PALM2AKAP2: variants seen among roughly 807,000 people sequenced by gnomAD.
The protein encoded by PALM2AKAP2 is PALM2-AKAP2 fusion protein.
A neutral mutation model predicts 71.5 loss-of-function variants in PALM2AKAP2; 37 were observed. The observed-to-expected ratio is 0.52, with a 90% confidence interval of 0.40 to 0.68. The LOEUF is 0.68. PALM2AKAP2 is among the 30% of genes least tolerant of loss of function. PALM2AKAP2 has a pLI of 0.00. For synonymous variants in PALM2AKAP2, 468 were observed against 478.8 expected (o/e 0.98, Z 0.29); for missense variants, 1,224 against 1,191.8 (o/e 1.03, Z -0.40).
At chr9:110,161,785 A>G (rs1836605466) in intron 3 of PALM2AKAP2, among the ~76,000 whole-genome samples, 2 of 152,136 alleles carry the variant, frequency 1.3e-5, no homozygotes, top group Non-Finnish European at 2.9e-5. Context: ...TGGGCAGCTG[A>G]TTGTGTACAG....
chr9:110,084,860 C>T (rs185428408), intron 1 of PALM2AKAP2, among the ~76,000 whole-genome samples: 20 of 152,138 alleles, frequency 1.3e-4, no homozygotes, highest in South Asian at 6.2e-4. Flanking sequence ...CTCAACCTCC[C>T]GAGTAGCTGG....
chr9:109,975,059 T>TACAC (rs1832146321), intron 6 of PALM2AKAP2, among the ~76,000 whole-genome samples: 1 of 144,408 alleles, frequency 6.9e-6, no homozygotes, highest in South Asian at 2.4e-4. Context: ...TATCTGCACG[T>TACAC]GCACACACAC....
Position 109,892,678 on chromosome 9 carries a change from G to A in PALM2AKAP2, c.257+11997G>A, listed in dbSNP as rs143792970. The stretch of plus-strand genomic sequence containing the variant: ...GCAGTGGTTAGGGGCATGAACATCC[G>A]CGTAATACTTGCTGGGTTCAAGTTC... On this transcript the variant is annotated intron_variant, in intron 3 of 9. Transcript: ENST00000302798. 5.5e-4 allele frequency among the ~76,000 whole-genome samples: 84 copies of A among 152,236 alleles called. 2 individuals carry two copies. In the East Asian group the frequency reaches 0.013, roughly 23 times the overall value.
At chr9:109,795,605 T>C (rs753352079) in intron 1 of PALM2AKAP2, among the ~76,000 whole-genome samples, 11 of 152,204 alleles carry the variant, frequency 7.2e-5, no homozygotes, top group Non-Finnish European at 1.0e-4. Context: ...TCTTTGAAGC[T>C]GCATTTTAGG....
chr9:110,020,812 T>C (rs1833060982), intron 7 of PALM2AKAP2, among the ~76,000 whole-genome samples: 1 of 152,022 alleles, frequency 6.6e-6, no homozygotes, highest in South Asian at 2.1e-4. Context: ...TCTTTGCAGA[T>C]ACAATTAACA....
At chr9:109,832,915 G>C (rs1202995246) in intron 1 of PALM2AKAP2, among the ~76,000 whole-genome samples, 1 of 152,186 alleles carries the variant, frequency 6.6e-6, no homozygotes, top group East Asian at 1.9e-4. Context: ...GGTTGCACTT[G>C]GACATATACT....
At chr9:110,162,798 G>T (rs1364398236) in intron 3 of PALM2AKAP2, among the ~76,000 whole-genome samples, 1 of 152,156 alleles carries the variant, frequency 6.6e-6, no homozygotes, top group Non-Finnish European at 1.5e-5. Context: ...AACCTCCTGG[G>T]CTCAAGCGAT....
chr9:109,747,663 T>A (rs1275219698), intron 1 of PALM2AKAP2, among the ~76,000 whole-genome samples: 1 of 151,978 alleles, frequency 6.6e-6, no homozygotes, highest in Non-Finnish European at 1.5e-5. Flanking sequence ...ATACTGTAAC[T>A]CCATAATTTT....
chr9:110,014,183 G>T (rs1329083545), intron 6 of PALM2AKAP2, among the ~76,000 whole-genome samples: 1 of 152,036 alleles, frequency 6.6e-6, no homozygotes, highest in East Asian at 1.9e-4. Context: ...ACACAGTTCT[G>T]GGATGAATAT....
intron 1 of PALM2AKAP2, among the ~76,000 whole-genome samples, chr9:109,650,663 C>T (rs1319790938): frequency 4.6e-5 from 7 of 152,182 alleles, no homozygotes; most frequent in African/African-American, 1.7e-4. Context: ...TGGCCTTAAG[C>T]AATCCTCCCA....
At chr9:109,680,594 G>A (rs755407001) in intron 1 of PALM2AKAP2, among the ~76,000 whole-genome samples, 6 of 152,090 alleles carry the variant, frequency 3.9e-5, no homozygotes, top group Non-Finnish European at 7.4e-5. Flanking sequence ...TTTAAAGAAG[G>A]AATTATATTG....
intron 1 of PALM2AKAP2, among the ~76,000 whole-genome samples, chr9:109,650,793 G>A (rs1193269401): frequency 6.6e-6 from 1 of 152,150 alleles, no homozygotes; most frequent in Non-Finnish European, 1.5e-5. Context: ...TTTGAGGGAA[G>A]CACAGAGAAG....
intron 1 of PALM2AKAP2, among the ~76,000 whole-genome samples, chr9:110,096,175 G>A (rs1182041263): frequency 6.6e-6 from 1 of 152,238 alleles, no homozygotes; most frequent in Non-Finnish European, 1.5e-5. Flanking sequence ...TGGCTCTGGT[G>A]ATGGCTAATG....
chr9:110,131,815 T>G (rs1403086929), intron 1 of PALM2AKAP2, among the ~76,000 whole-genome samples: 1 of 152,208 alleles, frequency 6.6e-6, no homozygotes, highest in Non-Finnish European at 1.5e-5. Context: ...AATTAGAGGT[T>G]AAACCTGCTG....
intron 4 of PALM2AKAP2, among the ~76,000 whole-genome samples, chr9:109,924,412 C>T (rs768408797): frequency 5.3e-5 from 8 of 152,002 alleles, no homozygotes; most frequent in Admixed American, 4.6e-4. Context: ...TCCTGGCTAA[C>T]GTGGTGAAAC....
At chr9:109,712,076 C>G (rs746474747) in intron 1 of PALM2AKAP2, among the ~76,000 whole-genome samples, 4 of 151,712 alleles carry the variant, frequency 2.6e-5, no homozygotes, top group African/African-American at 4.8e-5. Context: ...CTTGGCTGTG[C>G]CTTTTGAACT....
chr9:110,116,789 G>A (rs1162000973), intron 1 of PALM2AKAP2, among the ~76,000 whole-genome samples: 2 of 152,226 alleles, frequency 1.3e-5, no homozygotes, highest in Non-Finnish European at 1.5e-5. Context: ...ATACAGCTGT[G>A]TAGAGTGAGA....
At chr9:109,997,664 T>C (rs1832599166) in intron 6 of PALM2AKAP2, among the ~76,000 whole-genome samples, 1 of 152,192 alleles carries the variant, frequency 6.6e-6, no homozygotes, top group Non-Finnish European at 1.5e-5. Context: ...TGTTTCTCAA[T>C]GAGCTCTCCT....
chr9:110,006,441 T>C (rs1832788476), intron 6 of PALM2AKAP2, among the ~76,000 whole-genome samples: 1 of 151,650 alleles, frequency 6.6e-6, no homozygotes, highest in Non-Finnish European at 1.5e-5. Context: ...AGCTTCTACC[T>C]CCTGGGCTCA....
Sources: allele counts gnomAD v4.1 joint callset (sites outside exome capture counted in the v4.1 genomes callset), GRCh38; gene constraint gnomAD v4.1.1; transcripts MANE v1.5; gene names NCBI Gene and HGNC (gene_info 2026-07-23, HGNC 2026-07-21).